Variants in BEND7 observed in about 807,000 individuals in gnomAD.
The protein encoded by BEND7 is BEN domain containing 7, also known as BEN domain-containing protein 7.
In BEND7, 28 loss-of-function variants were observed where a neutral mutation model predicts 50.9. The ratio of observed to expected loss-of-function variants is 0.55; its 90% CI spans 0.41 to 0.75. The LOEUF is 0.75. BEND7 is among the 30% of genes least tolerant of loss of function. The probability of loss-of-function intolerance (pLI) is 0.00; values close to 1 mark genes in which losing one functional copy is unlikely to be tolerated. For missense variants in BEND7, 477 were observed against 491.3 expected, an observed-to-expected ratio of 0.97 and a Z score of 0.28; for synonymous variants, 170 against 183.9, an observed-to-expected ratio of 0.92 and a Z score of 0.61.
intron 6 of BEND7, among the ~76,000 whole-genome samples, chr10:13,459,082 T>C (rs1220496383): frequency 6.6e-6 from 1 of 152,154 alleles, no homozygotes; most frequent in South Asian, 2.1e-4. Context: ...ACAGTTGCAT[T>C]TGAGCACGCA....
intron 1 of BEND7, among the ~76,000 whole-genome samples, chr10:13,526,802 A>G (rs549036245): frequency 6.6e-6 from 1 of 152,350 alleles, no homozygotes; most frequent in Admixed American, 6.5e-5. Flanking sequence ...TTTATTTAAT[A>G]TGCAAGTTTA....
chr10:13,490,664 G>T (rs893226024), intron 5 of BEND7, among the ~76,000 whole-genome samples: 2 of 152,146 alleles, frequency 1.3e-5, no homozygotes, highest in Non-Finnish European at 2.9e-5. Context: ...ACTTGCAATG[G>T]CTCCCTCCTG....
chr10:13,502,128 G>A (rs1369095419), intron 2 of BEND7, among the ~76,000 whole-genome samples: 1 of 152,030 alleles, frequency 6.6e-6, no homozygotes, highest in Non-Finnish European at 1.5e-5. Context: ...CTGTAGAACT[G>A]GTAACTGCAC....
intron 6 of BEND7, among the ~76,000 whole-genome samples, chr10:13,474,893 T>C (rs1393352970): frequency 1.3e-5 from 2 of 152,240 alleles, no homozygotes; most frequent in African/African-American, 2.4e-5. Flanking sequence ...GCTCTGACTG[T>C]AGGGCTGCTG....
intron 6 of BEND7, among the ~76,000 whole-genome samples, chr10:13,457,157 G>T (rs1019666664): frequency 8.5e-5 from 13 of 152,160 alleles, no homozygotes; most frequent in African/African-American, 3.1e-4. Context: ...AAATGCATGT[G>T]TCCAAATTAG....
chr10:13,508,966 C>T (rs2078092312), intron 2 of BEND7, among the ~76,000 whole-genome samples: 1 of 152,166 alleles, frequency 6.6e-6, no homozygotes, highest in African/African-American at 2.4e-5. Flanking sequence ...AGGACAGGTA[C>T]CAAGAAGGAA....
chr10:13,465,546 C>T (rs2074156002), intron 6 of BEND7, among the ~76,000 whole-genome samples: 1 of 152,034 alleles, frequency 6.6e-6, no homozygotes, highest in Admixed American at 6.6e-5. Flanking sequence ...TGAAAAGGGC[C>T]CTAGATATCC....
intron 6 of BEND7, among the ~76,000 whole-genome samples, chr10:13,474,223 G>A (rs576641373): frequency 6.6e-5 from 10 of 151,330 alleles, no homozygotes; most frequent in South Asian, 4.2e-4. Flanking sequence ...GCCGACATCC[G>A]TCATCGCTGT....
chr10:13,486,110 C>T (rs945761415), intron 5 of BEND7, among the ~76,000 whole-genome samples: 17 of 152,292 alleles, frequency 1.1e-4, no homozygotes, highest in African/African-American at 3.4e-4. Context: ...AATTCCTGGC[C>T]TTCAGTGATC....
chr10:13,513,063 T>C (rs2078395282), intron 2 of BEND7, among the ~76,000 whole-genome samples: 1 of 152,258 alleles, frequency 6.6e-6, no homozygotes, highest in South Asian at 2.1e-4. Context: ...AACAACAGTG[T>C]GAGGAATCTG....
In BEND7 at chr10:13,528,586, C is replaced by A; in HGVS notation, c.-53G>T. The A allele has an allele frequency of 1.2e-6, 1 of 834,180 alleles. No homozygotes were observed. The highest frequency in any genetic ancestry group is 1.4e-6 in the Non-Finnish European group (1 of 700,008). 51.7% of individuals were successfully genotyped at this position (834,180 alleles called of 1,614,324 possible). A position where few individuals can be genotyped will look rare whatever the true frequency, so the allele number is the denominator to read the frequency against. On this transcript the variant is annotated 5_prime_UTR_variant, in exon 1 of 9. Transcript: ENST00000466271. Reference sequence around the variant, plus strand: ...GAGGAGGCGGCGGCAGCGGCGGCAGCGGCAGCGGCGGCAGCGGCAGCGGCG... The same window carrying A: ...GAGGAGGCGGCGGCAGCGGCGGCAGAGGCAGCGGCGGCAGCGGCAGCGGCG...
At chr10:13,469,633 C>T (rs545404170) in intron 6 of BEND7, among the ~76,000 whole-genome samples, 17 of 152,210 alleles carry the variant, frequency 1.1e-4, no homozygotes, top group Admixed American at 7.9e-4. Flanking sequence ...CATGCCACCA[C>T]GCCCAGCTAA....
intron 5 of BEND7, among the ~76,000 whole-genome samples, chr10:13,481,596 G>A (rs2075864783): frequency 6.6e-6 from 1 of 152,206 alleles, no homozygotes; most frequent in Non-Finnish European, 1.5e-5. Context: ...ACAGATACGG[G>A]GCTAACCCAG....
intron 6 of BEND7, among the ~76,000 whole-genome samples, chr10:13,468,402 G>A (rs578037657): frequency 6.6e-6 from 1 of 152,324 alleles, no homozygotes; most frequent in South Asian, 2.1e-4. Flanking sequence ...TGAACGAGTG[G>A]TGCTTGAGGA....
chr10:13,468,552 C>T (rs980643292), intron 6 of BEND7, among the ~76,000 whole-genome samples: 1 of 152,056 alleles, frequency 6.6e-6, no homozygotes, highest in Non-Finnish European at 1.5e-5. Flanking sequence ...AACGATGTCA[C>T]GAGATTTGGT....
intron 5 of BEND7, among the ~76,000 whole-genome samples, chr10:13,488,980 G>C (rs917165568): frequency 6.6e-6 from 1 of 152,136 alleles, no homozygotes; most frequent in African/African-American, 2.4e-5. Context: ...ATATAGATAA[G>C]TTTTATTTTA....
At position 13,441,437 on chromosome 10, in the gene BEND7, C is replaced by CGGT; in HGVS notation, c.*305_*306insACC. ...GATACGTATTTCCAGTGTGTAGATC[C>CGGT]GTTCATCGCACACATCTTTGGGTTG... On this transcript the variant is annotated 3_prime_UTR_variant, in exon 9 of 9. Coordinates refer to ENST00000466271, the MANE Select transcript of BEND7 (RefSeq NM_001369863.1). 3 of 1,050,044 alleles carry CGGT rather than the reference C, an allele frequency of 2.9e-6. No individual in the cohort carries two copies. Among genetic ancestry groups the CGGT allele is most frequent in the Admixed American group, 7.4e-5 (1 of 13,482 alleles). The allele number at this position is 1,050,044 out of a possible 1,614,324, so 65.0% of individuals were successfully genotyped here.
chr10:13,484,200 T>A (rs541327612), intron 5 of BEND7, among the ~76,000 whole-genome samples: 1 of 152,182 alleles, frequency 6.6e-6, no homozygotes, highest in Non-Finnish European at 1.5e-5. Flanking sequence ...TCTCGGCCTG[T>A]CTCCTATTCA....
chr10:13,471,630 A>G (rs186015036), intron 6 of BEND7, among the ~76,000 whole-genome samples: 44 of 152,378 alleles, frequency 2.9e-4, no homozygotes, highest in African/African-American at 9.9e-4. Flanking sequence ...GAGGCACTGT[A>G]GCCATGTCTG....
Sources: gnomAD v4.1 joint callset for allele counts (sites outside exome capture counted in the v4.1 genomes callset) on GRCh38, gnomAD v4.1.1 for gene constraint, MANE v1.5 for transcripts, NCBI Gene and HGNC (gene_info 2026-07-23, HGNC 2026-07-21) for gene names.